LHPP: variants seen among roughly 807,000 people sequenced by gnomAD.
The protein encoded by LHPP is phospholysine phosphohistidine inorganic pyrophosphate phosphatase.
In LHPP, 24 loss-of-function variants were observed where a neutral mutation model predicts 30.3. The observed-to-expected ratio is 0.79, with a 90% CI of 0.57 to 1.11. The LOEUF (loss-of-function observed/expected upper bound fraction) is 1.11. LHPP is among the 50% of genes most tolerant of loss of function. LHPP has a pLI of 0.00. For missense variants in LHPP, 356 were observed against 367.2 expected (o/e 0.97, Z 0.25); for synonymous variants, 150 against 157.1 (o/e 0.95, Z 0.34).
At chr10:124,497,065 A>G (rs1953737035) in intron 4 of LHPP, 41 bp downstream of exon 4, 1 of 1,540,424 alleles carries the variant, frequency 6.5e-7, no homozygotes, top group East Asian at 2.2e-5. Flanking sequence ...TTCAGACCTC[A>G]GGGCACCTGG....
chr10:124,574,520 T>C (rs1948632706), intron 6 of LHPP, among the ~76,000 whole-genome samples: 1 of 152,122 alleles, frequency 6.6e-6, no homozygotes, highest in Non-Finnish European at 1.5e-5. Flanking sequence ...GCTGCAGAGC[T>C]TCAGACCTGG....
At chr10:124,527,781 T>TG (rs34685737) in intron 6 of LHPP, among the ~76,000 whole-genome samples, 60,452 of 151,396 alleles carry the variant, frequency 0.4, 12,512 homozygotes, top group East Asian at 0.64. Context: ...GCTTTTTTTT[T>TG]TTTGTTTTTT....
intron 6 of LHPP, chr10:124,553,942 C>T: frequency 4.1e-6 from 4 of 985,422 alleles, no homozygotes; most frequent in South Asian, 4.7e-5. Flanking sequence ...AGGGACAGAG[C>T]CCCCCTGTTG....
rs1039366827 is a variant in LHPP, at chr10:124,484,346, G to T, written c.313+20G>T. ...ATGACGGTAGGCCTGTCGGACACCA[G>T]GACCTCACGGGGGTGAAAGCTCCCC... On this transcript the variant is annotated intron_variant, in intron 2 of 6. Coordinates refer to ENST00000368842, the MANE Select transcript of LHPP (RefSeq NM_022126.4). 1.9e-6 allele frequency: 3 copies of T among 1,600,610 alleles called. No individual in the cohort carries two copies. Among genetic ancestry groups the T allele is most frequent in the Admixed American group, 1.7e-5 (1 of 59,596 alleles).
chr10:124,582,690 C>T (rs1948757582), intron 6 of LHPP, among the ~76,000 whole-genome samples: 1 of 151,862 alleles, frequency 6.6e-6, no homozygotes, highest in Non-Finnish European at 1.5e-5. Flanking sequence ...ATAAAGGAAG[C>T]CAGAGAAAAG....
Position 124,484,075 on chromosome 10 carries a change from A to G in LHPP, c.126-64A>G, listed in dbSNP as rs3824811. The G allele has an allele frequency of 0.023, 34,963 of 1,515,934 alleles. 3,585 individuals carry two copies. The African/African-American group carries it at 0.28, about 12-fold the overall frequency. The allele number at this position is 1,515,934 out of a possible 1,614,324, so 93.9% of individuals were successfully genotyped here. On this transcript the variant is annotated intron_variant, in intron 1 of 6. Coordinates refer to ENST00000368842, the MANE Select transcript of LHPP (RefSeq NM_022126.4). ...GATGCCCTTCGAGAATCACCGCGCA[A>G]CCTCCTTCAGAGGCCCAACACTCCA...
At chr10:124,486,805 C>T (rs372347062) in intron 2 of LHPP, among the ~76,000 whole-genome samples, 27 of 152,246 alleles carry the variant, frequency 1.8e-4, no homozygotes, top group African/African-American at 5.8e-4. Flanking sequence ...AAGCTGTTAG[C>T]GTAAATGATC....
At chr10:124,512,857 G>A (rs1049408445) in intron 5 of LHPP, among the ~76,000 whole-genome samples, 2 of 152,032 alleles carry the variant, frequency 1.3e-5, no homozygotes, top group East Asian at 1.9e-4. Context: ...CATCGGGCCC[G>A]CCCCCTCTTT....
chr10:124,520,428 G>A (rs1343412826), intron 6 of LHPP, among the ~76,000 whole-genome samples: 2 of 151,944 alleles, frequency 1.3e-5, no homozygotes, highest in African/African-American at 2.4e-5. Flanking sequence ...GAGCACGTGC[G>A]GCCACTACTG....
intron 6 of LHPP, among the ~76,000 whole-genome samples, chr10:124,529,751 T>A (rs1273284761): frequency 7.2e-5 from 11 of 152,014 alleles, no homozygotes; most frequent in Admixed American, 7.2e-4. Context: ...TGGCCTCATT[T>A]CATCCCACAC....
At chr10:124,525,954 G>A (rs1954721074) in intron 6 of LHPP, among the ~76,000 whole-genome samples, 1 of 152,220 alleles carries the variant, frequency 6.6e-6, no homozygotes, top group African/African-American at 2.4e-5. Context: ...GGTCCCAGGT[G>A]GAGGCCGGGA....
At chr10:124,527,607 C>T (rs561181425) in intron 6 of LHPP, among the ~76,000 whole-genome samples, 9 of 152,246 alleles carry the variant, frequency 5.9e-5, no homozygotes, top group East Asian at 1.9e-4. Context: ...TTCATGAGCC[C>T]GGGGGCTGAA....
At position 124,517,773 on chromosome 10, in the gene LHPP, G is replaced by A. The variant is rs1954496848; in HGVS notation, c.716+502G>A. ...ACCTCCATCTCAAGAAGAAGGTTGT[G>A]TTTTATTTGCTGGCAAAAGTCTGCC... On this transcript the variant is annotated intron_variant, in intron 6 of 6. Coordinates refer to ENST00000368842, the MANE Select transcript of LHPP (RefSeq NM_022126.4). This position sits in a 1 kb window ranked among gnomAD's most constrained non-coding sequence, Gnocchi z 4.1. Among the ~76,000 whole-genome samples, 2 of 152,206 alleles carry A rather than the reference G, an allele frequency of 1.3e-5. No individual in the cohort carries two copies. Among genetic ancestry groups the A allele is most frequent in the African/African-American group, 2.4e-5 (1 of 41,462 alleles).
At chr10:124,528,280 G>A (rs67849269) in intron 6 of LHPP, among the ~76,000 whole-genome samples, 17,852 of 152,302 alleles carry the variant, frequency 0.12, 1,406 homozygotes, top group South Asian at 0.35. Context: ...TGTCCACCCC[G>A]TGGGTGTGGT....
chr10:124,468,833 C>G (rs894315823), intron 1 of LHPP, among the ~76,000 whole-genome samples: 12 of 152,196 alleles, frequency 7.9e-5, no homozygotes, highest in African/African-American at 2.9e-4. Flanking sequence ...CGGGAAGCTC[C>G]GTACACCCTC....
chr10:124,495,147 A>C (rs1200706094), intron 3 of LHPP, among the ~76,000 whole-genome samples: 1 of 152,182 alleles, frequency 6.6e-6, no homozygotes, highest in East Asian at 1.9e-4. Context: ...GAGATTTCTA[A>C]GCCTGTTTTT....
chr10:124,508,285 G>A (rs1954212259), intron 5 of LHPP, among the ~76,000 whole-genome samples: 1 of 152,180 alleles, frequency 6.6e-6, no homozygotes, highest in South Asian at 2.1e-4. Flanking sequence ...TGGATTGTCA[G>A]TGTGGGGATG....
chr10:124,522,342 AG>A (rs1352446741), intron 6 of LHPP, among the ~76,000 whole-genome samples: 3 of 152,142 alleles, frequency 2.0e-5, no homozygotes, highest in Non-Finnish European at 4.4e-5. Context: ...AGACTCCTCG[AG>A]GTCCCATCCA....
At chr10:124,555,712 G>A (rs752421870) in intron 6 of LHPP, among the ~76,000 whole-genome samples, 12 of 152,064 alleles carry the variant, frequency 7.9e-5, no homozygotes, top group Non-Finnish European at 1.6e-4. Flanking sequence ...TTGCTTTAAG[G>A]TACTTTGTCT....
Sources: gnomAD v4.1 joint callset for allele counts (sites outside exome capture counted in the v4.1 genomes callset) on GRCh38, gnomAD v4.1.1 for gene constraint, Gnocchi (gnomAD v3.1) non-coding constraint, MANE v1.5 for transcripts, NCBI Gene and HGNC (gene_info 2026-07-23, HGNC 2026-07-21) for gene names.